NELL2: variants seen among roughly 807,000 people sequenced by gnomAD.
NELL2 encodes the protein protein kinase C-binding protein NELL2.
Under a neutral mutation model 109.6 loss-of-function variants are expected in NELL2, and 41 were observed. The ratio of observed to expected loss-of-function variants is 0.37; its 90% CI spans 0.29 to 0.49. The LOEUF (loss-of-function observed/expected upper bound fraction) is 0.49. Among genes scored for constraint, NELL2 ranks in the 20% least tolerant of loss-of-function variants. The probability of loss-of-function intolerance (pLI) is 0.98; values close to 1 mark genes in which losing one functional copy is unlikely to be tolerated. For synonymous variants in NELL2, 355 were observed against 344.7 expected (o/e 1.03, Z -0.33); for missense variants, 900 against 1,008.3 (o/e 0.89, Z 1.45).
chr12:44,879,590 G>A (rs1164019313), upstream of NELL2, among the ~76,000 whole-genome samples: 2 of 151,964 alleles, frequency 1.3e-5, no homozygotes, highest in Non-Finnish European at 2.9e-5. Context: ...AGAATTTGGA[G>A]AGGGTGGAAC....
intron 12 of NELL2, among the ~76,000 whole-genome samples, chr12:44,697,615 T>C (rs1434644311): frequency 1.3e-5 from 2 of 152,088 alleles, no homozygotes; most frequent in South Asian, 2.1e-4. Flanking sequence ...TATAAGCCAA[T>C]ATAAAGTGCT....
intron 15 of NELL2, among the ~76,000 whole-genome samples, chr12:44,601,880 T>C (rs1945235586): frequency 6.6e-6 from 1 of 152,122 alleles, no homozygotes; most frequent in Admixed American, 6.6e-5. Flanking sequence ...ATAGAACTAG[T>C]TCTCAGGCCA....
chr12:44,740,589 C>T (rs1489591294), intron 9 of NELL2, among the ~76,000 whole-genome samples: 4 of 151,726 alleles, frequency 2.6e-5, no homozygotes, highest in Non-Finnish European at 5.9e-5. Flanking sequence ...AAAAAGAAAA[C>T]TTACTATAGC....
intron 2 of NELL2, among the ~76,000 whole-genome samples, chr12:44,827,037 C>A (rs1382903631): frequency 6.6e-6 from 1 of 152,122 alleles, no homozygotes; most frequent in Non-Finnish European, 1.5e-5. Flanking sequence ...GAGTAAACTG[C>A]ACTAAATTGC....
intron 16 of NELL2, among the ~76,000 whole-genome samples, chr12:44,531,225 T>G (rs533239547): frequency 2.6e-5 from 4 of 152,248 alleles, no homozygotes; most frequent in Non-Finnish European, 5.9e-5. Flanking sequence ...TCCATATACA[T>G]GCTTCTGTAT....
intron 9 of NELL2, among the ~76,000 whole-genome samples, chr12:44,725,340 A>G (rs590905): frequency 0.71 from 107,387 of 151,914 alleles, 38,195 homozygotes; most frequent in Non-Finnish European, 0.74. Context: ...ACAACCTACA[A>G]AATGAAAGAA....
intron 9 of NELL2, among the ~76,000 whole-genome samples, chr12:44,765,075 C>T (rs775535250): frequency 1.6e-4 from 24 of 152,098 alleles, no homozygotes; most frequent in Non-Finnish European, 3.2e-4. Context: ...AAAATTTAAG[C>T]GGCACTGAGC....
intron 15 of NELL2, among the ~76,000 whole-genome samples, chr12:44,589,344 T>C (rs1944659835): frequency 6.6e-6 from 1 of 151,734 alleles, no homozygotes; most frequent in Non-Finnish European, 1.5e-5. Context: ...ATGAAAAAAA[T>C]TTGCTCCAGG....
intron 9 of NELL2, among the ~76,000 whole-genome samples, chr12:44,768,764 A>T (rs1941435081): frequency 6.6e-6 from 1 of 151,946 alleles, no homozygotes; most frequent in Non-Finnish European, 1.5e-5. Context: ...TACCTTTTTC[A>T]TTATTACATA....
intron 13 of NELL2, among the ~76,000 whole-genome samples, chr12:44,626,086 A>G (rs1468438631): frequency 6.6e-6 from 1 of 152,192 alleles, no homozygotes; most frequent in Non-Finnish European, 1.5e-5. Context: ...AAATGACAAT[A>G]TATATATCAA....
At chr12:44,647,014 C>G (rs1179996007) in intron 13 of NELL2, among the ~76,000 whole-genome samples, 1 of 152,124 alleles carries the variant, frequency 6.6e-6, no homozygotes, top group Non-Finnish European at 1.5e-5. Flanking sequence ...AGCATTATGT[C>G]CAGCACATAG....
rs145737780 is a variant in NELL2 at position 44,733,351 on chromosome 12, C to T, written c.995-18610G>A. Reference sequence around the variant, plus strand: ...ATAAATAAAGAAAATGTAGTATATACATACAATGGAATATTATTTAGCCTT... The same window carrying T: ...ATAAATAAAGAAAATGTAGTATATATATACAATGGAATATTATTTAGCCTT... On this transcript the variant is annotated intron_variant, in intron 9 of 19. Transcript: ENST00000429094. Among the ~76,000 whole-genome samples the T allele has an allele frequency of 5.2e-3, 793 of 151,996 alleles. 8 individuals are homozygous for T. Among genetic ancestry groups the T allele is most frequent in the African/African-American group, 0.018 (738 of 41,496 alleles).
intron 1 of NELL2, among the ~76,000 whole-genome samples, chr12:44,899,511 C>T (rs1945635187): frequency 6.6e-6 from 1 of 152,116 alleles, no homozygotes; most frequent in Non-Finnish European, 1.5e-5. Context: ...TCCAACCAAA[C>T]TAAGCTTCAA....
At chr12:44,706,672 G>A (rs539357832) in intron 11 of NELL2, among the ~76,000 whole-genome samples, 139 of 152,154 alleles carry the variant, frequency 9.1e-4, no homozygotes, top group African/African-American at 2.9e-3. Context: ...TATATTATTC[G>A]TTAATAACTA....
intron 3 of NELL2, among the ~76,000 whole-genome samples, chr12:44,791,090 T>TAC (rs1942379402): frequency 1.7e-4 from 2 of 11,970 alleles, no homozygotes; most frequent in Non-Finnish European, 3.6e-4. Context: ...TACATATATA[T>TAC]ATATATGTAT....
At chr12:44,728,612 C>T (rs1227377212) in intron 9 of NELL2, among the ~76,000 whole-genome samples, 1 of 152,036 alleles carries the variant, frequency 6.6e-6, no homozygotes, top group East Asian at 1.9e-4. Context: ...AGGAAATGTA[C>T]ATCTAAATTC....
At chr12:44,721,769 T>TAA (rs144914804) in intron 9 of NELL2, among the ~76,000 whole-genome samples, 2 of 152,078 alleles carry the variant, frequency 1.3e-5, no homozygotes, top group African/African-American at 4.8e-5. Context: ...AGATTACAAG[T>TAA]AAAAAAACAT....
chr12:44,801,294 A>G (rs1408234315), intron 3 of NELL2, among the ~76,000 whole-genome samples: 1 of 152,166 alleles, frequency 6.6e-6, no homozygotes, highest in Non-Finnish European at 1.5e-5. Flanking sequence ...GAAATAAAGA[A>G]GTAAATTGTG....
intron 1 of NELL2, among the ~76,000 whole-genome samples, chr12:44,895,604 T>C (rs1945583790): frequency 6.6e-6 from 1 of 152,086 alleles, no homozygotes. Context: ...TTCTCAAAAG[T>C]TTCTAACCCA....
Sources: allele counts gnomAD v4.1 joint callset (sites outside exome capture counted in the v4.1 genomes callset), GRCh38; gene constraint gnomAD v4.1.1; transcripts MANE v1.5; gene names NCBI Gene and HGNC (gene_info 2026-07-23, HGNC 2026-07-21).